The following RYR2 variants were observed in gnomAD, a reference collection of about 807,000 sequenced individuals.
RYR2 encodes the protein cardiac muscle ryanodine receptor-calcium release channel.
A neutral mutation model predicts 601.1 loss-of-function variants in RYR2; 227 were observed. That is an observed-to-expected ratio of 0.38 (90% confidence interval 0.34 to 0.42). The LOEUF (loss-of-function observed/expected upper bound fraction) is 0.42, where lower values mean the gene tolerates loss of function less well. RYR2 is among the 10% of genes least tolerant of loss of function. RYR2 has a pLI of 1.00. For missense variants in RYR2, 4,646 were observed against 6,156.5 expected (o/e 0.75, Z 8.21); for synonymous variants, 2,223 against 2,175.1 (o/e 1.02, Z -0.61).
intron 2 of RYR2, among the ~76,000 whole-genome samples, chr1:237,275,390 C>A (rs7548636): frequency 0.12 from 17,750 of 151,752 alleles, 1,774 homozygotes; most frequent in African/African-American, 0.27. Flanking sequence ...AAAGGATAGA[C>A]AAGGATATAC....
At chr1:237,509,053 A>G (rs1665608850) in intron 23 of RYR2, among the ~76,000 whole-genome samples, 1 of 151,722 alleles carries the variant, frequency 6.6e-6, no homozygotes, top group Admixed American at 6.6e-5. Flanking sequence ...GGGTTTTCAA[A>G]TATTAAAGGA....
At position 237,123,653 on chromosome 1, in the gene RYR2, T is replaced by A. The variant is rs59035896; in HGVS notation, c.48+81084T>A. On this transcript the variant is annotated intron_variant, in intron 1 of 104. Transcript: ENST00000366574. Reference sequence around the variant, plus strand: ...TCCTTTGATCCTATCAGTCACTATTTTTTTTTTTTTTTTTTTTTTTTTTTT... The same window carrying A: ...TCCTTTGATCCTATCAGTCACTATTATTTTTTTTTTTTTTTTTTTTTTTTT... Among the ~76,000 whole-genome samples, 40 of 60,440 alleles carry A rather than the reference T, an allele frequency of 6.6e-4. No individual in the cohort carries two copies. In the East Asian group the frequency reaches 0.013, roughly 20 times the overall value. 39.7% of individuals were successfully genotyped at this position (60,440 alleles called of 152,430 possible). A position where few individuals can be genotyped will look rare whatever the true frequency, so the allele number is the denominator to read the frequency against.
At chr1:237,334,537 T>A (rs1462471023) in intron 3 of RYR2, among the ~76,000 whole-genome samples, 1 of 152,020 alleles carries the variant, frequency 6.6e-6, no homozygotes, top group Non-Finnish European at 1.5e-5. Context: ...ATTAAAATCA[T>A]GTCAATAGTA....
intron 55 of RYR2, 124 bp downstream of exon 55, chr1:237,660,198 G>A: frequency 2.1e-6 from 1 of 484,916 alleles, no homozygotes; most frequent in Non-Finnish European, 3.3e-6. Flanking sequence ...TTCTTCCAAA[G>A]GTCCCGTTTA....
intron 1 of RYR2, among the ~76,000 whole-genome samples, chr1:237,103,650 C>A (rs987812023): frequency 3.9e-5 from 6 of 152,230 alleles, no homozygotes; most frequent in Non-Finnish European, 7.3e-5. Flanking sequence ...CTCACTGCAA[C>A]ATCCACCTGC....
chr1:237,522,292 T>G (rs1350216760), intron 24 of RYR2, among the ~76,000 whole-genome samples: 1 of 152,206 alleles, frequency 6.6e-6, no homozygotes, highest in Non-Finnish European at 1.5e-5. Flanking sequence ...CAATAGCTGA[T>G]GAGCTAAATT....
intron 27 of RYR2, among the ~76,000 whole-genome samples, chr1:237,560,440 A>G (rs1488745308): frequency 2.0e-5 from 3 of 152,210 alleles, no homozygotes; most frequent in Non-Finnish European, 4.4e-5. Flanking sequence ...AATGACAGTT[A>G]TCTGGGAACT....
intron 17 of RYR2, among the ~76,000 whole-genome samples, chr1:237,487,225 A>G (rs1418058711): frequency 6.6e-6 from 1 of 152,154 alleles, no homozygotes; most frequent in African/African-American, 2.4e-5. Context: ...ATCTTCATTA[A>G]GCACTGTTTC....
At chr1:237,766,406 T>C (rs961707626) in intron 84 of RYR2, among the ~76,000 whole-genome samples, 3 of 152,332 alleles carry the variant, frequency 2.0e-5, no homozygotes, top group Non-Finnish European at 4.4e-5. Flanking sequence ...GTGACCAGCA[T>C]TATTATTTCC....
chr1:237,602,131 G>T lies in RYR2; in HGVS notation c.4683+20G>T. On this transcript the variant is annotated intron_variant, in intron 35 of 104. Coordinates refer to ENST00000366574, the MANE Select transcript of RYR2 (RefSeq NM_001035.3). ...ATAAAGGTAATAAAACTTATTCCTG[G>T]TATTGTATTTGTATTTTTTCTATTA... The T allele has an allele frequency of 6.3e-7, 1 of 1,577,320 alleles. No homozygotes were observed. The highest frequency in any genetic ancestry group is 1.3e-5 in the African/African-American group (1 of 74,186).
chr1:237,082,532 T>TATATATATATATATAC (rs1665836287), intron 1 of RYR2, among the ~76,000 whole-genome samples: 3 of 108,932 alleles, frequency 2.8e-5, no homozygotes, highest in African/African-American at 8.1e-5. Context: ...AACATATATA[T>TATATATATATATATAC]ATATATATAT....
chr1:237,513,873 A>G (rs1666159782), intron 24 of RYR2, among the ~76,000 whole-genome samples: 1 of 152,244 alleles, frequency 6.6e-6, no homozygotes. Flanking sequence ...TAAGTGATGT[A>G]TAACTCTATA....
At chr1:237,579,618 T>C (rs1416153039) in intron 29 of RYR2, among the ~76,000 whole-genome samples, 1 of 152,150 alleles carries the variant, frequency 6.6e-6, no homozygotes, top group Non-Finnish European at 1.5e-5. Flanking sequence ...CTATTATTAA[T>C]TTAATAGGAA....
At position 237,264,731 on chromosome 1, in the gene RYR2, T is replaced by C. The variant is rs749266805; in HGVS notation, c.49-5766T>C. ...TTTTTTTGAGACGGAGTCTTGCTCTTGTCACCCAGGATGGAGTGTAGTGGC... is the reference window on the plus strand; with the variant it reads ...TTTTTTTGAGACGGAGTCTTGCTCTCGTCACCCAGGATGGAGTGTAGTGGC... On this transcript the variant is annotated intron_variant, in intron 1 of 104. Transcript: ENST00000366574. Among the ~76,000 whole-genome samples the C allele has an allele frequency of 8.8e-4, 133 of 151,652 alleles. 1 individual carries two copies. The highest frequency in any genetic ancestry group is 3.2e-4 in the Non-Finnish European group (22 of 67,920).
intron 1 of RYR2, among the ~76,000 whole-genome samples, chr1:237,113,622 G>A (rs544231456): frequency 6.6e-6 from 1 of 152,270 alleles, no homozygotes; most frequent in South Asian, 2.1e-4. Flanking sequence ...CTGGCCCAGG[G>A]AGTGGGTACA....
At chr1:237,704,843 C>T (rs1483791321) in intron 66 of RYR2, among the ~76,000 whole-genome samples, 1 of 151,988 alleles carries the variant, frequency 6.6e-6, no homozygotes, top group Admixed American at 6.5e-5. Context: ...GATATTTTAA[C>T]ATAAGTCATC....
At chr1:237,685,959 C>A (rs1686353684) in intron 62 of RYR2, among the ~76,000 whole-genome samples, 1 of 152,176 alleles carries the variant, frequency 6.6e-6, no homozygotes, top group South Asian at 2.1e-4. Context: ...ATACATGAAT[C>A]CACATTGTTA....
chr1:237,644,990 GCAC>G (rs1681977890), intron 48 of RYR2, among the ~76,000 whole-genome samples: 1 of 152,114 alleles, frequency 6.6e-6, no homozygotes. Context: ...AGCCGAGATT[GCAC>G]CACTTCATTC....
intron 2 of RYR2, among the ~76,000 whole-genome samples, chr1:237,323,439 C>T (rs1001710068): frequency 2.0e-5 from 3 of 151,972 alleles, no homozygotes; most frequent in African/African-American, 7.3e-5. Context: ...GTGATGTAAG[C>T]CAACATTAGA....
Sources: gnomAD v4.1 joint callset for allele counts (sites outside exome capture counted in the v4.1 genomes callset) on GRCh38, gnomAD v4.1.1 for gene constraint, MANE v1.5 for transcripts, NCBI Gene and HGNC (gene_info 2026-07-23, HGNC 2026-07-21) for gene names.